Variants in COG8 observed in about 807,000 individuals in gnomAD.
COG8 encodes component of oligomeric golgi complex 8, also known as conserved oligomeric Golgi complex subunit 8.
Under a neutral mutation model 46.5 loss-of-function variants are expected in COG8, and 45 were observed. The observed-to-expected ratio is 0.97, with a 90% CI of 0.76 to 1.24. The LOEUF is 1.24. Among genes scored for constraint, COG8 ranks in the 50% most tolerant of loss-of-function variants. The probability of loss-of-function intolerance (pLI) is 0.00; values close to 1 mark genes in which losing one functional copy is unlikely to be tolerated. For synonymous variants in COG8, 407 were observed against 347.8 expected, an observed-to-expected ratio of 1.17 and a Z score of -1.90; for missense variants, 793 against 820.8, an observed-to-expected ratio of 0.97 and a Z score of 0.41.
In COG8 at chr16:69,330,824, G is replaced by A. The variant is rs1427535062; in HGVS notation, c.*15C>T. 7 of 1,532,098 alleles carry A rather than the reference G, an allele frequency of 4.6e-6. No homozygotes were observed. Among genetic ancestry groups the A allele is most frequent in the African/African-American group, 2.7e-5 (2 of 72,810 alleles). 94.9% of individuals were successfully genotyped at this position (1,532,098 alleles called of 1,614,324 possible). On this transcript the variant is annotated 3_prime_UTR_variant, in exon 5 of 6. Coordinates refer to ENST00000306875, the MANE Select transcript of COG8 (RefSeq NM_032382.5). ...GGAACCTCACGCACCGCGTTCTGGAGGCAGGGGACGCCGGCTAGGGCCCCA... is the reference window on the plus strand; with the variant it reads ...GGAACCTCACGCACCGCGTTCTGGAAGCAGGGGACGCCGGCTAGGGCCCCA...
At chr16:69,330,014 T>C in intron 5 of COG8, 1 of 1,539,602 alleles carries the variant, frequency 6.5e-7, no homozygotes, top group Non-Finnish European at 8.7e-7. Context: ...CTGCACCGCC[T>C]GGAAGCGGGG....
At position 69,327,926 on chromosome 16, in the gene COG8, G is replaced by A. The variant is rs1242652139; in HGVS notation, c.*1280C>T. On this transcript the variant is annotated 3_prime_UTR_variant, in exon 6 of 6. Coordinates refer to ENST00000306875, the MANE Select transcript of COG8 (RefSeq NM_032382.5). ...CAAAGCTGACACTTTTTTTTTTTGA[G>A]ACAGAGAAAAAAAGAAAACTCTACA... 2 of 149,594 alleles carry A rather than the reference G, an allele frequency of 1.3e-5. No individual in the cohort carries two copies. The highest frequency in any genetic ancestry group is 4.9e-5 in the African/African-American group (2 of 40,724). 9.3% of individuals were successfully genotyped at this position (149,594 alleles called of 1,614,324 possible). A position where few individuals can be genotyped will look rare whatever the true frequency, so the allele number is the denominator to read the frequency against.
intron 5 of COG8, among the ~76,000 whole-genome samples, chr16:69,329,394 T>C (rs372392081): frequency 3.3e-5 from 5 of 152,220 alleles, no homozygotes; most frequent in African/African-American, 9.7e-5. Context: ...GTAATTAGGT[T>C]ATCGAGCTCA....
At chr16:69,331,491 A>AAAAAAAAC (rs1448030910) in intron 4 of COG8, among the ~76,000 whole-genome samples, 1 of 144,930 alleles carries the variant, frequency 6.9e-6, no homozygotes, top group Non-Finnish European at 1.5e-5. Flanking sequence ...AATTTAAGGG[A>AAAAAAAAC]AAAAAAACGA....
intron 4 of COG8, 115 bp from the exon 5 acceptor site, chr16:69,331,210 G>C: frequency 8.8e-7 from 1 of 1,131,202 alleles, no homozygotes; most frequent in South Asian, 1.3e-5. Flanking sequence ...CACTTTGGGA[G>C]GCCGGGGAGG....
intron 4 of COG8, among the ~76,000 whole-genome samples, chr16:69,331,882 G>C (rs1322275527): frequency 6.6e-6 from 1 of 152,184 alleles, no homozygotes; most frequent in Non-Finnish European, 1.5e-5. Flanking sequence ...GAACGTAACG[G>C]AACAGCAGTG....
rs1024063108 is a variant in COG8, at chr16:69,339,220, G to A, written c.333C>T (p.Leu111=). 84 of 1,612,708 alleles carry A rather than the reference G, an allele frequency of 5.2e-5. No individual in the cohort carries two copies. Among genetic ancestry groups the A allele is most frequent in the Non-Finnish European group, 7.0e-5 (83 of 1,179,888 alleles). Residue 111 remains leucine (L), a synonymous_variant, in exon 1 of 6, where the codon CTC becomes CTT. Coordinates refer to ENST00000306875, the MANE Select transcript of COG8 (RefSeq NM_032382.5). ...HRLFGDVEAS[L]GRLLDRLPSF... is the part of the protein sequence containing the mutation. ...TGGGCAAACGGTCGAGCAGGCGGCC[G>A]AGCGACGCCTCCACGTCGCCAAACA...
Position 69,336,559 on chromosome 16 carries a change from A to G in COG8, c.531T>C (p.Leu177=). ...RNSYYEEALE[L]AAYVRRLERK... ...TCTCCAGTCGGCGTACGTAGGCTGC[A>G]AGCTCCAGGGCCTCTTCATAATAAC... The change falls in exon 2 of 6, where the codon CTT becomes CTC. Residue 177 remains leucine (L), a synonymous_variant. Transcript: ENST00000306875. 6.2e-7 allele frequency: 1 copy of G among 1,614,172 alleles called. No individual in the cohort carries two copies. The highest frequency in any genetic ancestry group is 2.2e-5 in the East Asian group (1 of 44,888).
In COG8 at chr16:69,335,199, C is replaced by T. The variant is rs2012136370; in HGVS notation, c.735G>A (p.Val245=). The change falls in exon 3 of 6, where the codon GTG becomes GTA. Residue 245 remains valine (V), a synonymous_variant. Transcript: ENST00000306875. ...MDVFTEAELR[V]KFLQARDAWL... Reference sequence around the variant, plus strand: ...AAGCATCTCGGGCCTGAAGAAACTTCACCCTCAACTCAGCCTCAGTGAAGA... The same window carrying T: ...AAGCATCTCGGGCCTGAAGAAACTTTACCCTCAACTCAGCCTCAGTGAAGA... 6.2e-7 allele frequency: 1 copy of T among 1,614,170 alleles called. No homozygotes were observed. Among genetic ancestry groups the T allele is most frequent in the South Asian group, 1.1e-5 (1 of 91,076 alleles).
At chr16:69,338,985 T>G (rs1430097719) in intron 1 of COG8, 191 bp downstream of exon 1, 3 of 787,538 alleles carry the variant, frequency 3.8e-6, no homozygotes. Context: ...AGGGCGAGAC[T>G]CCGTCTCAAA....
At chr16:69,329,961 CG>C in intron 5 of COG8, 1 of 1,496,904 alleles carries the variant, frequency 6.7e-7, no homozygotes, top group Non-Finnish European at 8.9e-7. Flanking sequence ...GAGACGCGCG[CG>C]CTGCTCCAGC....
intron 1 of COG8, 42 bp downstream of exon 1, chr16:69,339,133 CT>C: frequency 6.2e-7 from 1 of 1,612,544 alleles, no homozygotes; most frequent in Non-Finnish European, 8.5e-7. Context: ...TAAATGTCAG[CT>C]TTTACAGTTA....
rs758127135 is a variant in COG8, at chr16:69,339,390, C to A, written c.163G>T (p.Gly55Cys). The A allele has an allele frequency of 6.9e-6, 11 of 1,585,514 alleles. No homozygotes were observed. The highest frequency in any genetic ancestry group is 9.4e-6 in the Non-Finnish European group (11 of 1,170,140). Residue 55 changes from glycine (G) to cysteine (C), a missense_variant, in exon 1 of 6, where the codon GGC becomes TGC. Physicochemically the swap from Gly to Cys is radical, Grantham distance 159. Transcript: ENST00000306875. ...DVGRYLRELSGSGLERLRREP... is the reference protein window; with the variant it reads ...DVGRYLRELSCSGLERLRREP... Reference sequence around the variant, plus strand: ...CGCCGCAGCCGCTCCAGCCCCGAGCCGCTCAACTCCCGGAGGTAGCGGCCC... The same window carrying A: ...CGCCGCAGCCGCTCCAGCCCCGAGCAGCTCAACTCCCGGAGGTAGCGGCCC...
At chr16:69,331,627 G>C (rs766587297) in intron 4 of COG8, among the ~76,000 whole-genome samples, 27 of 151,604 alleles carry the variant, frequency 1.8e-4, no homozygotes, top group Non-Finnish European at 2.1e-4. Context: ...CTCAGCCTCC[G>C]TGGTAGCTGG....
chr16:69,335,946 T>C (rs2143356288), intron 2 of COG8, among the ~76,000 whole-genome samples: 1 of 152,274 alleles, frequency 6.6e-6, no homozygotes, highest in East Asian at 1.9e-4. Context: ...ACCTGCTTCC[T>C]AGTGCTCTCC....
In COG8 at chr16:69,335,167, C is replaced by T. The variant is rs749730886; in HGVS notation, c.767G>A (p.Arg256Gln). The stretch of plus-strand genomic sequence containing the variant: ...ATTAGGAATGGCAGTCAGGATGGAC[C>T]GGAGCCAAGCATCTCGGGCCTGAAG... ...KFLQARDAWL[R>Q]SILTAIPNDD... The change falls in exon 3 of 6, where the codon CGG becomes CAG. Residue 256 changes from arginine (R) to glutamine (Q), a missense_variant. Arg to Gln is a conservative substitution (Grantham distance 43). Transcript: ENST00000306875. The T allele has an allele frequency of 1.2e-5, 20 of 1,614,006 alleles. No homozygotes were observed. Among genetic ancestry groups the T allele is most frequent in the South Asian group, 2.2e-5 (2 of 91,092 alleles).
chr16:69,327,045 G>A lies in COG8; in HGVS notation c.*2161C>T, dbSNP rs1362609357. ...CTGAACATTGTCCAAATGAAAGGAG[G>A]CTCAGCTGAATTCTAATTTTCCTAA... On this transcript the variant is annotated 3_prime_UTR_variant, in exon 6 of 6. Transcript: ENST00000306875. The A allele has an allele frequency of 6.6e-6, 1 of 151,950 alleles. No individual in the cohort carries two copies. Among genetic ancestry groups the A allele is most frequent in the East Asian group, 1.9e-4 (1 of 5,192 alleles). The allele number at this position is 151,950 out of a possible 1,614,324, so 9.4% of individuals were successfully genotyped here.
chr16:69,331,453 CAAAA>C lies in COG8; in HGVS notation c.1583-362_1583-359del, dbSNP rs1185929938. The stretch of plus-strand genomic sequence containing the variant: ...GGGCCACAAGAGCAAAACTCCGTCT[CAAAA>C]AAAAAAAAAAAAAAAAAAAAGGAAA... On this transcript the variant is annotated intron_variant, in intron 4 of 5. Coordinates refer to ENST00000306875, the MANE Select transcript of COG8 (RefSeq NM_032382.5). 4.1e-3 allele frequency among the ~76,000 whole-genome samples: 249 copies of C among 61,230 alleles called. 3 individuals carry two copies. The highest frequency in any genetic ancestry group is 0.012 in the African/African-American group (202 of 16,324). The allele number at this position is 61,230 out of a possible 152,430, so 40.2% of individuals were successfully genotyped here.
Position 69,335,109 on chromosome 16 carries a change from G to A in COG8, c.825C>T (p.Ile275=), listed in dbSNP as rs147094162. The change falls in exon 3 of 6, where the codon ATC becomes ATT. Residue 275 remains isoleucine, a synonymous_variant. Transcript: ENST00000306875. ...DDPYFHITKT[I]EASRVHLFDI... ...CAAAGAGATGGACACGGGAGGCCTC[G>A]ATGGTTTTTGTAATATGGAAATAGG... The A allele has an allele frequency of 6.8e-6, 11 of 1,614,044 alleles. No individual in the cohort carries two copies. The highest frequency in any genetic ancestry group is 2.2e-5 in the East Asian group (1 of 44,894).
Sources: gnomAD v4.1 joint callset for allele counts (sites outside exome capture counted in the v4.1 genomes callset) on GRCh38, gnomAD v4.1.1 for gene constraint, MANE v1.5 for transcripts, NCBI Gene and HGNC (gene_info 2026-07-23, HGNC 2026-07-21) for gene names.